The following DOCK10 variants were observed in gnomAD, a reference collection of about 807,000 sequenced individuals.
DOCK10 encodes dedicator of cytokinesis protein 10.
A neutral mutation model predicts 280.1 loss-of-function variants in DOCK10; 145 were observed. The ratio of observed to expected loss-of-function variants is 0.52; its 90% CI spans 0.45 to 0.59. The LOEUF (loss-of-function observed/expected upper bound fraction) is 0.59, where lower values mean the gene tolerates loss of function less well. Ranked by LOEUF, DOCK10 falls within the 20% of genes least tolerant of loss-of-function variation. The pLI is 0.00. For missense variants in DOCK10, 2,368 were observed against 2,651.7 expected, an observed-to-expected ratio of 0.89 and a Z score of 2.35; for synonymous variants, 915 against 942.2, an observed-to-expected ratio of 0.97 and a Z score of 0.53.
chr2:224,929,823 G>A (rs1005105725), intron 2 of DOCK10, among the ~76,000 whole-genome samples: 6 of 152,150 alleles, frequency 3.9e-5, no homozygotes, highest in Non-Finnish European at 8.8e-5. Context: ...AGGCCTTGAA[G>A]TAGCATTTGA....
intron 3 of DOCK10, among the ~76,000 whole-genome samples, chr2:224,903,901 T>C (rs1700446945): frequency 6.6e-6 from 1 of 152,242 alleles, no homozygotes; most frequent in African/African-American, 2.4e-5. Context: ...AAAATAAGTT[T>C]CTTCAGAGTT....
chr2:224,791,538 C>T (rs954156595), intron 47 of DOCK10, among the ~76,000 whole-genome samples: 15 of 150,978 alleles, frequency 9.9e-5, no homozygotes, highest in Non-Finnish European at 2.1e-4. Context: ...GATCTCAGCT[C>T]GCTGCAACCT....
intron 25 of DOCK10, among the ~76,000 whole-genome samples, chr2:224,834,829 C>A (rs2125419468): frequency 6.6e-6 from 1 of 152,308 alleles, no homozygotes; most frequent in South Asian, 2.1e-4. Context: ...GCATGCACCA[C>A]TGAGGGCACA....
intron 1 of DOCK10, among the ~76,000 whole-genome samples, chr2:224,967,358 G>A (rs1291550465): frequency 6.6e-6 from 1 of 152,124 alleles, no homozygotes; most frequent in Non-Finnish European, 1.5e-5. Context: ...GGGATTACAG[G>A]CGTGAGCCAC....
chr2:224,886,888 A>ACCCCCCCCCC lies in DOCK10; in HGVS notation c.417-358_417-357insGGGGGGGGGG, dbSNP rs200245451. On this transcript the variant is annotated intron_variant, in intron 4 of 55. Coordinates refer to ENST00000258390, the MANE Select transcript of DOCK10 (RefSeq NM_014689.3). ...TCATGCTGCATGCAGCACCCCCAAC[A>ACCCCCCCCCC]CCCCCCCAAGTAGTACCTGGGATTA... 3.5e-5 allele frequency among the ~76,000 whole-genome samples: 5 copies of ACCCCCCCCCC among 142,566 alleles called. 1 individual carries two copies. Among genetic ancestry groups the ACCCCCCCCCC allele is most frequent in the African/African-American group, 1.4e-4 (5 of 35,080 alleles). The allele number at this position is 142,566 out of a possible 152,430, so 93.5% of individuals were successfully genotyped here.
At chr2:224,909,981 A>G (rs1700919279) in intron 3 of DOCK10, among the ~76,000 whole-genome samples, 1 of 152,200 alleles carries the variant, frequency 6.6e-6, no homozygotes, top group African/African-American at 2.4e-5. Flanking sequence ...AAGAATGCCT[A>G]ATGCCTTTCA....
At position 224,853,886 on chromosome 2, in the gene DOCK10, T is replaced by C. The variant is rs548127561; in HGVS notation, c.1889-764A>G. Among the ~76,000 whole-genome samples, 5 of 152,356 alleles carry C rather than the reference T, an allele frequency of 3.3e-5. No homozygotes were observed. In the South Asian group the frequency reaches 1.0e-3, roughly 32 times the overall value. On this transcript the variant is annotated intron_variant, in intron 16 of 55. Transcript: ENST00000258390. Reference sequence around the variant, plus strand: ...GCTTGAGAATCAGATTACTGTTTTCTTTTTTCAAAAACCAATTATGATATT... The same window carrying C: ...GCTTGAGAATCAGATTACTGTTTTCCTTTTTCAAAAACCAATTATGATATT...
At chr2:224,900,763 T>C (rs767117085) in intron 3 of DOCK10, among the ~76,000 whole-genome samples, 2 of 152,232 alleles carry the variant, frequency 1.3e-5, no homozygotes, top group Non-Finnish European at 2.9e-5. Context: ...AAGCCCTCAA[T>C]AAGTACTTGC....
chr2:224,883,850 G>T (rs1699114245), intron 7 of DOCK10, among the ~76,000 whole-genome samples: 1 of 152,136 alleles, frequency 6.6e-6, no homozygotes, highest in Non-Finnish European at 1.5e-5. Flanking sequence ...ATTAACCTGG[G>T]TTTCTGCAAA....
At chr2:224,810,606 G>A (rs1380377551) in intron 31 of DOCK10, among the ~76,000 whole-genome samples, 1 of 149,724 alleles carries the variant, frequency 6.7e-6, no homozygotes, top group Non-Finnish European at 1.5e-5. Flanking sequence ...TTAGCATTAG[G>A]TTTATCTCCT....
intron 25 of DOCK10, among the ~76,000 whole-genome samples, chr2:224,836,036 T>A (rs1319780897): frequency 6.6e-6 from 1 of 152,200 alleles, no homozygotes; most frequent in African/African-American, 2.4e-5. Flanking sequence ...GCCTTGGTAA[T>A]CACAAAAATA....
chr2:224,837,414 A>G (rs975251034), intron 25 of DOCK10, among the ~76,000 whole-genome samples: 22 of 152,376 alleles, frequency 1.4e-4, no homozygotes, highest in Admixed American at 1.4e-3. Flanking sequence ...AGAGCATTCA[A>G]CAAACCAACA....
At chr2:224,932,984 C>A in intron 1 of DOCK10, among the ~76,000 whole-genome samples, 1 of 151,932 alleles carries the variant, frequency 6.6e-6, no homozygotes, top group Non-Finnish European at 1.5e-5. Flanking sequence ...AAAAAAAAAC[C>A]CAGCTCACTT....
Position 224,970,760 on chromosome 2 carries a change from G to A in DOCK10, c.124-39092C>T, listed in dbSNP as rs1228369530. On this transcript the variant is annotated intron_variant, in intron 1 of 55. Transcript: ENST00000258390. The surrounding 1 kb of genome is among the most constrained non-coding windows in gnomAD (Gnocchi z 4.6). Reference sequence around the variant, plus strand: ...TCCTTAAAGAAAAGTCAAAAAACTAGTTTGGAGCAAGAATCCCTATGACAG... The same window carrying A: ...TCCTTAAAGAAAAGTCAAAAAACTAATTTGGAGCAAGAATCCCTATGACAG... Among the ~76,000 whole-genome samples, 1 of 152,180 alleles carries A rather than the reference G, an allele frequency of 6.6e-6. No homozygotes were observed. Among genetic ancestry groups the A allele is most frequent in the Non-Finnish European group, 1.5e-5 (1 of 68,036 alleles).
intron 1 of DOCK10, among the ~76,000 whole-genome samples, chr2:224,936,545 A>G (rs1702704812): frequency 6.6e-6 from 1 of 152,206 alleles, no homozygotes; most frequent in African/African-American, 2.4e-5. Flanking sequence ...AAATTATGGT[A>G]CATTCATCCT....
At chr2:224,961,457 T>TCTTA in intron 1 of DOCK10, among the ~76,000 whole-genome samples, 1 of 135,092 alleles carries the variant, frequency 7.4e-6, no homozygotes, top group African/African-American at 2.6e-5. Context: ...TTTCTTTCTT[T>TCTTA]CTTTCTTTCT....
intron 1 of DOCK10, among the ~76,000 whole-genome samples, chr2:224,940,110 C>T (rs546342607): frequency 4.5e-4 from 69 of 152,246 alleles, no homozygotes; most frequent in Middle Eastern, 6.8e-3. Flanking sequence ...GCTTTCCTGC[C>T]GAACTCTGAA....
intron 3 of DOCK10, among the ~76,000 whole-genome samples, chr2:224,898,399 T>C (rs1700103870): frequency 1.3e-5 from 2 of 151,926 alleles, no homozygotes; most frequent in Non-Finnish European, 2.9e-5. Context: ...AAAGGAGAAC[T>C]TAAAAACGAA....
At chr2:224,986,044 T>C (rs1347488432) in intron 1 of DOCK10, among the ~76,000 whole-genome samples, 1 of 152,234 alleles carries the variant, frequency 6.6e-6, no homozygotes, top group African/African-American at 2.4e-5. Flanking sequence ...CAAATTGGAC[T>C]GTGCTTTGGC....
Sources: gnomAD v4.1 joint callset for allele counts (sites outside exome capture counted in the v4.1 genomes callset) on GRCh38, gnomAD v4.1.1 for gene constraint, Gnocchi (gnomAD v3.1) non-coding constraint, MANE v1.5 for transcripts, NCBI Gene and HGNC (gene_info 2026-07-23, HGNC 2026-07-21) for gene names.